Variants in SYNJ1 observed in about 807,000 individuals in gnomAD.
SYNJ1 encodes the protein polyphosphatidylinositol phosphatase SYNJ1.
SYNJ1 carries 78 observed loss-of-function variants against 168.2 expected under a neutral mutation model. That is an observed-to-expected ratio of 0.46 (90% CI 0.39 to 0.56). SYNJ1 has a LOEUF of 0.56. Ranked by LOEUF, SYNJ1 falls within the 20% of genes least tolerant of loss-of-function variation. SYNJ1 has a pLI of 0.00. For missense variants in SYNJ1, 1,303 were observed against 1,597.6 expected (o/e 0.82, Z 3.14); for synonymous variants, 539 against 548.6 (o/e 0.98, Z 0.24).
At chr21:32,653,420 A>C (rs1191287049) in intron 21 of SYNJ1, 54 bp from the exon 22 acceptor site, 17 of 1,329,354 alleles carry the variant, frequency 1.3e-5, no homozygotes, top group Non-Finnish European at 1.7e-5. Context: ...TAACAAGCTC[A>C]GTGACTACTC....
At chr21:32,718,651 G>A (rs1011525666) in intron 2 of SYNJ1, among the ~76,000 whole-genome samples, 2 of 150,910 alleles carry the variant, frequency 1.3e-5, no homozygotes, top group African/African-American at 4.9e-5. Context: ...TGTTGACAGC[G>A]TTTGGCAATT....
chr21:32,677,803 A>G (rs76474418), intron 12 of SYNJ1, among the ~76,000 whole-genome samples: 15,864 of 152,252 alleles, frequency 0.1, 913 homozygotes, highest in African/African-American at 0.13. Flanking sequence ...GTAATTACCC[A>G]AGAATACATT....
chr21:32,703,882 T>TTTTTTTA (rs2042503235), intron 2 of SYNJ1, among the ~76,000 whole-genome samples: 1 of 151,994 alleles, frequency 6.6e-6, no homozygotes, highest in African/African-American at 2.4e-5. Flanking sequence ...TCCAGCTAAT[T>TTTTTTTA]TTTTTTATTT....
chr21:32,693,434 A>G (rs2042098061), intron 6 of SYNJ1, among the ~76,000 whole-genome samples: 1 of 152,308 alleles, frequency 6.6e-6, no homozygotes, highest in Middle Eastern at 3.4e-3. Flanking sequence ...ATGTTACTAA[A>G]AAGGTTCAAG....
chr21:32,689,062 T>C (rs1291899236), intron 6 of SYNJ1, among the ~76,000 whole-genome samples: 2 of 152,340 alleles, frequency 1.3e-5, no homozygotes, highest in African/African-American at 2.4e-5. Context: ...CTACCTATTG[T>C]ATATTGTTAT....
Position 32,723,824 on chromosome 21 carries a change from G to A in SYNJ1, c.124+2948C>T, listed in dbSNP as rs561311988. On this transcript the variant is annotated intron_variant, in intron 2 of 32. Transcript: ENST00000674351. The stretch of plus-strand genomic sequence containing the variant: ...AGCCTGGGTGACAGAACAAGACCAT[G>A]TCTCAAAAAATAAAAGCAAAAAAGA... 1.2e-4 allele frequency among the ~76,000 whole-genome samples: 19 copies of A among 152,178 alleles called. No individual in the cohort carries two copies. The East Asian group carries it at 3.3e-3, about 26-fold the overall frequency.
chr21:32,643,387 C>T (rs1362942779), intron 27 of SYNJ1, 23 bp downstream of exon 27: 1 of 1,613,118 alleles, frequency 6.2e-7, no homozygotes, highest in Non-Finnish European at 8.5e-7. Context: ...AGAACCACTT[C>T]TATAATGCAA....
intron 24 of SYNJ1, 92 bp downstream of exon 24, chr21:32,646,301 A>G: frequency 7.7e-7 from 1 of 1,290,624 alleles, no homozygotes; most frequent in Non-Finnish European, 1.1e-6. Context: ...GGTGCACTTT[A>G]TCACCTAGGT....
intron 2 of SYNJ1, among the ~76,000 whole-genome samples, chr21:32,711,832 A>G (rs2042842242): frequency 6.6e-6 from 1 of 152,238 alleles, no homozygotes; most frequent in Non-Finnish European, 1.5e-5. Context: ...TAAACATAAC[A>G]TAGTTGTCGC....
chr21:32,673,095 T>C (rs753626145), intron 14 of SYNJ1, among the ~76,000 whole-genome samples: 5 of 152,192 alleles, frequency 3.3e-5, no homozygotes, highest in Non-Finnish European at 5.9e-5. Flanking sequence ...TGAGAATCAA[T>C]TATGGAAAAA....
chr21:32,642,223 C>A, intron 27 of SYNJ1, 90 bp from the exon 28 acceptor site: 1 of 1,411,328 alleles, frequency 7.1e-7, no homozygotes, highest in East Asian at 2.3e-5. Context: ...GCTTCATTAC[C>A]AGCAGAAATG....
intron 2 of SYNJ1, among the ~76,000 whole-genome samples, chr21:32,705,138 A>C: frequency 6.7e-6 from 1 of 148,840 alleles, no homozygotes. Flanking sequence ...ACAGAGTGAG[A>C]CTCTGTCTCA....
chr21:32,656,970 A>C (rs928487568), intron 20 of SYNJ1, 33 bp downstream of exon 20: 8 of 1,610,696 alleles, frequency 5.0e-6, no homozygotes, highest in Non-Finnish European at 6.8e-6. Context: ...AACAAATTTC[A>C]AACACTATTA....
At chr21:32,672,633 C>T (rs1406318823) in intron 14 of SYNJ1, among the ~76,000 whole-genome samples, 2 of 152,166 alleles carry the variant, frequency 1.3e-5, no homozygotes, top group Non-Finnish European at 2.9e-5. Context: ...AGCCACCGTG[C>T]CCAGCCCAAA....
At chr21:32,696,936 T>C (rs1360680231) in intron 4 of SYNJ1, among the ~76,000 whole-genome samples, 1 of 152,248 alleles carries the variant, frequency 6.6e-6, no homozygotes, top group Non-Finnish European at 1.5e-5. Context: ...CATACTTTAC[T>C]ATTACCCACA....
At chr21:32,712,695 C>T (rs1486192673) in intron 2 of SYNJ1, among the ~76,000 whole-genome samples, 1 of 152,106 alleles carries the variant, frequency 6.6e-6, no homozygotes, top group Non-Finnish European at 1.5e-5. Flanking sequence ...ATTATATAAC[C>T]ATACAAATGC....
At chr21:32,643,181 A>T (rs1378191477) in intron 27 of SYNJ1, among the ~76,000 whole-genome samples, 1 of 152,218 alleles carries the variant, frequency 6.6e-6, no homozygotes. Context: ...AGTACAAACA[A>T]CATTAAGGAT....
intron 1 of SYNJ1, 120 bp from the exon 2 acceptor site, chr21:32,727,037 A>G: frequency 7.4e-7 from 1 of 1,356,302 alleles, no homozygotes; most frequent in Non-Finnish European, 1.0e-6. Context: ...GTGGGAAAAA[A>G]CAGACAGCTC....
Position 32,631,179 on chromosome 21 carries a change from C to T in SYNJ1, c.*626G>A, listed in dbSNP as rs781187792. On this transcript the variant is annotated 3_prime_UTR_variant, in exon 33 of 33. Transcript: ENST00000674351. ...GTCATCATTCAATGTCAGGTTGGAG[C>T]CAGAAAATGAACTTGGCTGATTACC... 5.0e-5 allele frequency: 81 copies of T among 1,614,042 alleles called. No individual in the cohort carries two copies. Among genetic ancestry groups the T allele is most frequent in the Non-Finnish European group, 6.7e-5 (79 of 1,180,040 alleles).
Sources: allele counts gnomAD v4.1 joint callset (sites outside exome capture counted in the v4.1 genomes callset), GRCh38; gene constraint gnomAD v4.1.1; transcripts MANE v1.5; gene names NCBI Gene and HGNC (gene_info 2026-07-23, HGNC 2026-07-21).